Variants in METTL23 observed in about 807,000 individuals in gnomAD.
METTL23 encodes the protein methyltransferase 23, arginine.
A neutral mutation model predicts 21.2 loss-of-function variants in METTL23; 24 were observed. That is an observed-to-expected ratio of 1.13 (90% CI 0.82 to 1.59). METTL23 has a LOEUF of 1.59. Among genes scored for constraint, METTL23 ranks in the 40% most tolerant of loss-of-function variants. The probability of loss-of-function intolerance (pLI) is 0.00; values close to 1 mark genes in which losing one functional copy is unlikely to be tolerated. For missense variants in METTL23, 276 were observed against 221.4 expected (o/e 1.25, Z -1.57); for synonymous variants, 97 against 75.2 (o/e 1.29, Z -1.50).
rs762132582 is a variant in METTL23 at position 76,733,381 on chromosome 17, A to C, written c.407+4A>C. Reference sequence around the variant, plus strand: ...GGTCTACTTATCAAGTTAGGAGGCAAGTATGGATGACCCTTACTTTTTATA... The same window carrying C: ...GGTCTACTTATCAAGTTAGGAGGCACGTATGGATGACCCTTACTTTTTATA... On this transcript the variant is annotated splice_donor_region_variant and intron_variant, in intron 4 of 4. Transcript: ENST00000341249. 1 of 1,613,384 alleles carries C rather than the reference A, an allele frequency of 6.2e-7. No homozygotes were observed.
chr17:76,733,009 T>G lies in METTL23; in HGVS notation c.116T>G (p.Leu39Trp), dbSNP rs866373344. Residue 39 changes from leucine to tryptophan, a missense_variant, in exon 3 of 5, where the codon TTG becomes TGG. Leu to Trp is a moderately conservative substitution (Grantham distance 61). Coordinates refer to ENST00000341249, the MANE Select transcript of METTL23 (RefSeq NM_001080510.5). ...IGAGVSLPGI[L>W]AAKCGAEVIL... ...GCTGGAGTGAGCCTTCCAGGAATTT[T>G]GGCTGCCAAATGTGGTGCAGAAGTA... The G allele has an allele frequency of 6.3e-7, 1 of 1,587,996 alleles. No individual in the cohort carries two copies. The highest frequency in any genetic ancestry group is 1.1e-5 in the South Asian group (1 of 87,598).
At chr17:76,726,406 G>A, upstream of METTL23, 1 of 1,605,616 alleles carries the variant, frequency 6.2e-7, no homozygotes. Flanking sequence ...GTCCAATCCA[G>A]CGAGTCCTTG....
intron 1 of METTL23, among the ~76,000 whole-genome samples, chr17:76,729,127 GT>G (rs1297463019): frequency 2.7e-5 from 4 of 149,396 alleles, no homozygotes; most frequent in African/African-American, 9.9e-5. Flanking sequence ...GTCTCACTAT[GT>G]TGCCCAGGCT....
chr17:76,733,280 C>T lies in METTL23; in HGVS notation c.323-13C>T, dbSNP rs148040463. Reference sequence around the variant, plus strand: ...GCTATATGAAAATCTATTCATAAATCCTTTCTCCTCAGATTTTGAAGACAT... The same window carrying T: ...GCTATATGAAAATCTATTCATAAATTCTTTCTCCTCAGATTTTGAAGACAT... On this transcript the variant is annotated splice_polypyrimidine_tract_variant and intron_variant, in intron 3 of 4. Transcript: ENST00000341249. The T allele has an allele frequency of 7.3e-5, 117 of 1,613,552 alleles. No individual in the cohort carries two copies. The African/African-American group carries it at 1.4e-3, about 19-fold the overall frequency.
chr17:76,732,668 C>G (rs78986119), intron 2 of METTL23: 6,598 of 375,396 alleles, frequency 0.018, 95 homozygotes, highest in Admixed American at 0.028. Flanking sequence ...AACTGAAAAT[C>G]ATGGCAGAGG....
Position 76,729,805 on chromosome 17 carries a change from C to T in METTL23, c.84+11C>T, listed in dbSNP as rs1195509618. ...AAGGCCATCTTAGAGGTACAAATGC[C>T]CCTGAAGTTTCCAGAGTTCTAGGTT... On this transcript the variant is annotated intron_variant, in intron 2 of 4. Transcript: ENST00000341249. 1 of 1,577,120 alleles carries T rather than the reference C, an allele frequency of 6.3e-7. No individual in the cohort carries two copies.
chr17:76,726,868 A>C lies in METTL23; in HGVS notation c.-332A>C. 1 of 414,080 alleles carries C rather than the reference A, an allele frequency of 2.4e-6. No homozygotes were observed. The highest frequency in any genetic ancestry group is 1.6e-5 in the South Asian group (1 of 62,294). 25.7% of individuals were successfully genotyped at this position (414,080 alleles called of 1,614,324 possible). A position where few individuals can be genotyped will look rare whatever the true frequency, so the allele number is the denominator to read the frequency against. On this transcript the variant is annotated 5_prime_UTR_variant, in exon 1 of 5. Transcript: ENST00000341249. ...CCGGTCGCGCCAGCCGCCCGTTGCC[A>C]GTTCTGCGCGTGTGAGTCTCTTTCG...
upstream of METTL23, among the ~76,000 whole-genome samples, chr17:76,726,126 GA>G (rs1422074865): frequency 6.6e-6 from 1 of 152,244 alleles, no homozygotes; most frequent in African/African-American, 2.4e-5. Flanking sequence ...ACAGGCGTGG[GA>G]CTCCCGTCGT....
In METTL23 at chr17:76,726,975, A is replaced by G. The variant is rs1335558081; in HGVS notation, c.-225A>G. On this transcript the variant is annotated 5_prime_UTR_variant, in exon 1 of 5. Coordinates refer to ENST00000341249, the MANE Select transcript of METTL23 (RefSeq NM_001080510.5). ...TTTCCCCTTCTTGCCGTCAGGTGCT[A>G]CGGCCACGTGGCCCGCGGCTTCCCG... The G allele has an allele frequency of 2.2e-6, 1 of 456,566 alleles. No homozygotes were observed. The highest frequency in any genetic ancestry group is 4.4e-6 in the Non-Finnish European group (1 of 226,880). The allele number at this position is 456,566 out of a possible 1,614,324, so 28.3% of individuals were successfully genotyped here. A position where few individuals can be genotyped will look rare whatever the true frequency, so the allele number is the denominator to read the frequency against.
chr17:76,728,828 C>G (rs2077077596), intron 1 of METTL23, among the ~76,000 whole-genome samples: 1 of 128,072 alleles, frequency 7.8e-6, no homozygotes, highest in African/African-American at 2.9e-5. Flanking sequence ...GAGTCTTGCT[C>G]TGTCGCCCAG....
rs1450495812 is a variant in METTL23, at chr17:76,731,597, G to T, written c.85-1381G>T. 3.9e-5 allele frequency among the ~76,000 whole-genome samples: 6 copies of T among 152,292 alleles called. 1 individual carries two copies. In the East Asian group the frequency reaches 7.7e-4, roughly 20 times the overall value. On this transcript the variant is annotated intron_variant, in intron 2 of 4. Coordinates refer to ENST00000341249, the MANE Select transcript of METTL23 (RefSeq NM_001080510.5). ...TGTTTTTGGAAATGTTGAGATTAGT[G>T]TAAAAATGTATCCCATTCTCTTTCT... is the stretch of plus-strand genomic sequence containing the variant.
Position 76,733,583 on chromosome 17 carries a change from T to A in METTL23, c.470T>A (p.Leu157His). The change falls in exon 5 of 5, where the codon CTT (leucine) becomes CAT (histidine). Residue 157 changes from leucine to histidine, a missense_variant. By Grantham distance (99) the Leu-to-His change is moderately conservative. Coordinates refer to ENST00000341249, the MANE Select transcript of METTL23 (RefSeq NM_001080510.5). ...KWDMKCVHIPLESFDADKEDI... is the reference protein window; with the variant it reads ...KWDMKCVHIPHESFDADKEDI... Reference sequence around the variant, plus strand: ...GATATGAAATGTGTCCACATTCCTCTTGAGTCTTTTGATGCAGACAAAGAA... The same window carrying A: ...GATATGAAATGTGTCCACATTCCTCATGAGTCTTTTGATGCAGACAAAGAA... 1 of 1,613,816 alleles carries A rather than the reference T, an allele frequency of 6.2e-7. No individual in the cohort carries two copies. Among genetic ancestry groups the A allele is most frequent in the Non-Finnish European group, 8.5e-7 (1 of 1,179,750 alleles).
Position 76,733,747 on chromosome 17 carries a change from CTA to C in METTL23, c.*63_*64del. On this transcript the variant is annotated 3_prime_UTR_variant, in exon 5 of 5. Coordinates refer to ENST00000341249, the MANE Select transcript of METTL23 (RefSeq NM_001080510.5). ...ACTGATGAGCAACCTGGCACACAAA[CTA>C]TGAGCAGACCACTTCAGCTTGAGAA... 13 of 1,472,618 alleles carry C rather than the reference CTA, an allele frequency of 8.8e-6. No homozygotes were observed. The highest frequency in any genetic ancestry group is 2.0e-5 in the Admixed American group (1 of 48,970). 91.2% of individuals were successfully genotyped at this position (1,472,618 alleles called of 1,614,324 possible). A position where few individuals can be genotyped will look rare whatever the true frequency, so the allele number is the denominator to read the frequency against.
chr17:76,729,315 A>G (rs929319069), intron 1 of METTL23, among the ~76,000 whole-genome samples: 8 of 149,772 alleles, frequency 5.3e-5, no homozygotes, highest in African/African-American at 2.0e-4. Flanking sequence ...TCCTGACCTC[A>G]GGTGATCCGC....
At chr17:76,728,036 T>G (rs1309252236) in intron 1 of METTL23, among the ~76,000 whole-genome samples, 1 of 152,176 alleles carries the variant, frequency 6.6e-6, no homozygotes, top group Non-Finnish European at 1.5e-5. Flanking sequence ...GACCAGGAGT[T>G]CCAGACCAGC....
chr17:76,730,916 A>G (rs1337193854), intron 2 of METTL23, among the ~76,000 whole-genome samples: 2 of 152,178 alleles, frequency 1.3e-5, no homozygotes, highest in African/African-American at 4.8e-5. Context: ...ATCCTGGCTA[A>G]CACGGTGAAA....
chr17:76,733,691 T>A lies in METTL23; in HGVS notation c.*5T>A. ...TTTGCAAAGGACAGTCTCTGAATTA[T>A]ACCTACAACCTGTTCTGGGACAGTA... On this transcript the variant is annotated 3_prime_UTR_variant, in exon 5 of 5. Coordinates refer to ENST00000341249, the MANE Select transcript of METTL23 (RefSeq NM_001080510.5). 1 of 1,611,374 alleles carries A rather than the reference T, an allele frequency of 6.2e-7. No individual in the cohort carries two copies.
upstream of METTL23, among the ~76,000 whole-genome samples, chr17:76,726,182 C>G (rs1234239211): frequency 6.6e-6 from 1 of 152,276 alleles, no homozygotes; most frequent in Non-Finnish European, 1.5e-5. Flanking sequence ...GAAGCAGACC[C>G]GCCCCGGAAT....
At chr17:76,728,239 GAAA>G (rs556657313) in intron 1 of METTL23, among the ~76,000 whole-genome samples, 2 of 110,310 alleles carry the variant, frequency 1.8e-5, no homozygotes, top group Non-Finnish European at 3.9e-5. Context: ...TTGTCAAGAA[GAAA>G]AAAAAAAAAA....
Sources: gnomAD v4.1 joint callset for allele counts (sites outside exome capture counted in the v4.1 genomes callset) on GRCh38, gnomAD v4.1.1 for gene constraint, MANE v1.5 for transcripts, NCBI Gene and HGNC (gene_info 2026-07-23, HGNC 2026-07-21) for gene names.